MAGI2: variants seen among roughly 807,000 people sequenced by gnomAD.
MAGI2 encodes membrane-associated guanylate kinase, WW and PDZ domain-containing protein 2.
MAGI2 carries 35 observed loss-of-function variants against 133.3 expected under a neutral mutation model. The ratio of observed to expected loss-of-function variants is 0.26; its 90% confidence interval spans 0.20 to 0.35. The LOEUF (loss-of-function observed/expected upper bound fraction) is 0.35. Among genes scored for constraint, MAGI2 ranks in the 10% least tolerant of loss-of-function variants. MAGI2 has a pLI of 1.00. For missense variants in MAGI2, 1,636 were observed against 1,863.4 expected (o/e 0.88, Z 2.25); for synonymous variants, 729 against 710.6 (o/e 1.03, Z -0.41).
chr7:79,317,868 TCAGCCAG>T (rs1222764560), intron 1 of MAGI2, among the ~76,000 whole-genome samples: 2 of 152,204 alleles, frequency 1.3e-5, no homozygotes, highest in Non-Finnish European at 1.5e-5. Flanking sequence ...GTGCCTGGTT[TCAGCCAG>T]CAGCATGTCA....
At chr7:78,599,027 A>G (rs1584790258) in intron 3 of MAGI2, among the ~76,000 whole-genome samples, 1 of 152,266 alleles carries the variant, frequency 6.6e-6, no homozygotes, top group East Asian at 1.9e-4. Flanking sequence ...TATAATTGTG[A>G]ATACTGTACC....
In MAGI2 at chr7:78,811,478, A is replaced by C. The variant is rs148945965; in HGVS notation, c.419-184239T>G. On this transcript the variant is annotated intron_variant, in intron 2 of 21. Transcript: ENST00000354212. The stretch of plus-strand genomic sequence containing the variant: ...TCTAGCAATTCAAGCAAATTTTAAT[A>C]ATGAATATGAATATACATTTTTCTT... Among the ~76,000 whole-genome samples, 457 of 152,222 alleles carry C rather than the reference A, an allele frequency of 3.0e-3. 2 individuals carry two copies. The highest frequency in any genetic ancestry group is 9.8e-3 in the African/African-American group (406 of 41,534).
chr7:78,927,223 TA>T (rs1799771617), intron 2 of MAGI2, among the ~76,000 whole-genome samples: 1 of 151,990 alleles, frequency 6.6e-6, no homozygotes, highest in Admixed American at 6.6e-5. Context: ...TTGGGCCACT[TA>T]AATTCTCTAG....
intron 9 of MAGI2, among the ~76,000 whole-genome samples, chr7:78,291,469 C>A (rs1393408657): frequency 1.3e-5 from 2 of 152,212 alleles, no homozygotes; most frequent in South Asian, 4.2e-4. Context: ...AAGTCCAGGA[C>A]CAGATGGATT....
intron 3 of MAGI2, among the ~76,000 whole-genome samples, chr7:78,583,906 T>G (rs10269564): frequency 6.6e-6 from 1 of 152,078 alleles, no homozygotes; most frequent in Non-Finnish European, 1.5e-5. Context: ...GGAAGCCAAA[T>G]GGAGACAATT....
chr7:79,099,371 G>A (rs2129543088), intron 1 of MAGI2, among the ~76,000 whole-genome samples: 1 of 152,038 alleles, frequency 6.6e-6, no homozygotes, highest in East Asian at 1.9e-4. Context: ...TCACCTATAA[G>A]ATTTTATTCA....
chr7:78,782,025 G>A (rs2151342943), intron 2 of MAGI2, among the ~76,000 whole-genome samples: 1 of 152,282 alleles, frequency 6.6e-6, no homozygotes, highest in East Asian at 1.9e-4. Flanking sequence ...ATTAAAATCA[G>A]TGTAGTTCAG....
chr7:78,633,460 C>T (rs942615825), intron 2 of MAGI2, among the ~76,000 whole-genome samples: 2 of 151,920 alleles, frequency 1.3e-5, no homozygotes, highest in Non-Finnish European at 2.9e-5. Context: ...AATCCCAGCA[C>T]TTTGGGAGGC....
chr7:78,883,482 C>T (rs896634551), intron 2 of MAGI2, among the ~76,000 whole-genome samples: 4 of 152,098 alleles, frequency 2.6e-5, no homozygotes, highest in African/African-American at 9.7e-5. Context: ...TCCTTTCAAA[C>T]TACCAATGCC....
At chr7:78,664,769 AAAAT>A (rs1268965377) in intron 2 of MAGI2, among the ~76,000 whole-genome samples, 2 of 151,800 alleles carry the variant, frequency 1.3e-5, no homozygotes, top group African/African-American at 4.8e-5. Flanking sequence ...TAAAAACAAA[AAAAT>A]AAGAAAAGGG....
intron 3 of MAGI2, among the ~76,000 whole-genome samples, chr7:78,585,892 T>C (rs1467888665): frequency 1.3e-5 from 2 of 152,212 alleles, no homozygotes; most frequent in African/African-American, 2.4e-5. Context: ...GGAGATCACG[T>C]AGATGAACCC....
chr7:78,166,298 A>G (rs1325506379), intron 15 of MAGI2, among the ~76,000 whole-genome samples: 7 of 152,198 alleles, frequency 4.6e-5, no homozygotes, highest in Non-Finnish European at 1.0e-4. Flanking sequence ...TTTCCTTGTA[A>G]ATCAGGTATC....
intron 2 of MAGI2, among the ~76,000 whole-genome samples, chr7:78,711,055 A>T (rs1437782373): frequency 1.3e-5 from 2 of 152,168 alleles, no homozygotes; most frequent in Admixed American, 1.3e-4. Flanking sequence ...TCACAACATC[A>T]CTTGTAAGGA....
chr7:78,395,262 T>C (rs1256173625), intron 6 of MAGI2, among the ~76,000 whole-genome samples: 6 of 152,102 alleles, frequency 3.9e-5, no homozygotes, highest in Admixed American at 6.5e-5. Context: ...GAGGATAAGA[T>C]ATAGTGAGAG....
At chr7:78,990,941 C>CACACAT (rs982105642) in intron 2 of MAGI2, among the ~76,000 whole-genome samples, 2 of 146,624 alleles carry the variant, frequency 1.4e-5, no homozygotes, top group Non-Finnish European at 3.0e-5. Flanking sequence ...CACACACACA[C>CACACAT]AGAGATATGG....
At chr7:78,051,033 G>A (rs1370714274) in intron 21 of MAGI2, among the ~76,000 whole-genome samples, 2 of 152,180 alleles carry the variant, frequency 1.3e-5, no homozygotes, top group Non-Finnish European at 2.9e-5. Flanking sequence ...CTGGAGCATT[G>A]ACCTGTTTTG....
intron 1 of MAGI2, among the ~76,000 whole-genome samples, chr7:79,170,643 G>C (rs1354298361): frequency 6.6e-6 from 1 of 152,046 alleles, no homozygotes; most frequent in Non-Finnish European, 1.5e-5. Flanking sequence ...AATGCCTAAA[G>C]TTATAGCTAT....
At chr7:79,178,907 A>T (rs1826365490) in intron 1 of MAGI2, among the ~76,000 whole-genome samples, 1 of 151,994 alleles carries the variant, frequency 6.6e-6, no homozygotes, top group Non-Finnish European at 1.5e-5. Flanking sequence ...CTTTTTTATT[A>T]TACTACTAAT....
At chr7:79,101,064 A>C (rs567290867) in intron 1 of MAGI2, among the ~76,000 whole-genome samples, 29 of 152,202 alleles carry the variant, frequency 1.9e-4, no homozygotes, top group African/African-American at 6.5e-4. Flanking sequence ...ATATCTGACA[A>C]AGCAAAAGCT....
Sources: allele counts gnomAD v4.1 joint callset (sites outside exome capture counted in the v4.1 genomes callset), GRCh38; gene constraint gnomAD v4.1.1; transcripts MANE v1.5; gene names NCBI Gene and HGNC (gene_info 2026-07-23, HGNC 2026-07-21).